Variants in NDOR1 observed in about 807,000 individuals in gnomAD.
The protein encoded by NDOR1 is NADPH-dependent diflavin oxidoreductase 1.
A neutral mutation model predicts 67.2 loss-of-function variants in NDOR1; 61 were observed. The observed-to-expected ratio is 0.91, with a 90% CI of 0.74 to 1.12. The LOEUF (loss-of-function observed/expected upper bound fraction) is 1.12. Ranked by LOEUF, NDOR1 falls within the 50% of genes most tolerant of loss-of-function variation. The pLI is 0.00. For missense variants in NDOR1, 878 were observed against 802.8 expected (o/e 1.09, Z -1.13); for synonymous variants, 378 against 343.7 (o/e 1.10, Z -1.10).
intron 2 of NDOR1, 43 bp downstream of exon 2, chr9:137,206,352 C>A (rs1436522309): frequency 1.3e-6 from 2 of 1,596,340 alleles, no homozygotes; most frequent in Non-Finnish European, 1.7e-6. Context: ...CTGCCCTCGA[C>A]CCTCACCCCG....
Position 137,212,718 on chromosome 9 carries a change from G to C in NDOR1, c.311+119G>C. The stretch of plus-strand genomic sequence containing the variant: ...GGCCCCTGCGCGCCTCAGGGCCCTC[G>C]CAGTGGTACTGGCTTCTCCACAACG... On this transcript the variant is annotated intron_variant, in intron 3 of 13. Coordinates refer to ENST00000684003, the MANE Select transcript of NDOR1 (RefSeq NM_014434.4). The surrounding 1 kb of genome is among the most constrained non-coding windows in gnomAD (Gnocchi z 4.3). The C allele has an allele frequency of 1.1e-6, 1 of 889,148 alleles. No individual in the cohort carries two copies. Among genetic ancestry groups the C allele is most frequent in the Non-Finnish European group, 1.8e-6 (1 of 547,408 alleles). The allele number at this position is 889,148 out of a possible 1,614,324, so 55.1% of individuals were successfully genotyped here. A position where few individuals can be genotyped will look rare whatever the true frequency, so the allele number is the denominator to read the frequency against.
intron 9 of NDOR1, 98 bp from the exon 10 acceptor site, chr9:137,215,309 C>G (rs950256587): frequency 9.1e-6 from 14 of 1,535,250 alleles, no homozygotes; most frequent in African/African-American, 1.4e-5. Flanking sequence ...GACGTTCCCC[C>G]AGTCGGACTG....
rs757987477 is a variant in NDOR1, at chr9:137,215,209, G to A, written c.1173+7G>A. ...CATCGCCTCCTCGCTGCTGGTGAGG[G>A]GCCTGGTGGTTGGAGCCCAGGACCG... On this transcript the variant is annotated splice_region_variant and intron_variant, in intron 9 of 13. Transcript: ENST00000684003. 6.2e-7 allele frequency: 1 copy of A among 1,608,522 alleles called. No individual in the cohort carries two copies.
chr9:137,208,343 C>T (rs1047381329), intron 2 of NDOR1, among the ~76,000 whole-genome samples: 2 of 151,656 alleles, frequency 1.3e-5, no homozygotes, highest in African/African-American at 2.4e-5. Flanking sequence ...CCCAGCTACT[C>T]GGGAGGCTGA....
At chr9:137,213,370 A>AC (rs1835355556) in intron 3 of NDOR1, among the ~76,000 whole-genome samples, 1 of 151,752 alleles carries the variant, frequency 6.6e-6, no homozygotes, top group Non-Finnish European at 1.5e-5. Flanking sequence ...AGAGAAACTG[A>AC]CCCCCGGGAA....
Position 137,212,574 on chromosome 9 carries a change from G to A in NDOR1, c.286G>A (p.Gly96Ser), listed in dbSNP as rs1835315055. 6.2e-7 allele frequency: 1 copy of A among 1,614,030 alleles called. No homozygotes were observed. Among genetic ancestry groups the A allele is most frequent in the Non-Finnish European group, 8.5e-7 (1 of 1,179,944 alleles). ...CTGTCAGATGGACTTTGCCGTCCTG[G>A]GCCTCGGGGACTCCTCATACGCCAA... Reference protein sequence around the residue: ...ALCQMDFAVLGLGDSSYAKFN... With the variant: ...ALCQMDFAVLSLGDSSYAKFN... The change falls in exon 3 of 14, where the codon GGC becomes AGC. Residue 96 changes from glycine to serine, a missense_variant. Physicochemically the swap from Gly to Ser is moderately conservative, Grantham distance 56. Coordinates refer to ENST00000684003, the MANE Select transcript of NDOR1 (RefSeq NM_014434.4). This position sits in a 1 kb window ranked among gnomAD's most constrained non-coding sequence, Gnocchi z 4.3.
chr9:137,206,807 A>G (rs1834991590), intron 2 of NDOR1, among the ~76,000 whole-genome samples: 1 of 152,200 alleles, frequency 6.6e-6, no homozygotes, highest in Admixed American at 6.5e-5. Flanking sequence ...AGGAGCACTG[A>G]TAAGGGGCAT....
At chr9:137,213,735 C>T in intron 3 of NDOR1, 45 bp from the exon 4 acceptor site, 1 of 1,586,104 alleles carries the variant, frequency 6.3e-7, no homozygotes, top group South Asian at 1.1e-5. Context: ...GGGCACCACT[C>T]TCCGCCCGGG....
Position 137,214,962 on chromosome 9 carries a change from C to T in NDOR1, c.1009C>T (p.Gln337Ter), listed in dbSNP as rs773966598. 3.1e-6 allele frequency: 5 copies of T among 1,613,642 alleles called. No individual in the cohort carries two copies. The highest frequency in any genetic ancestry group is 1.1e-5 in the South Asian group (1 of 91,090). The change falls in exon 8 of 14, where the codon CAA becomes TAA. Residue 337 changes from glutamine to a stop codon, truncating the protein, a stop_gained. Transcript: ENST00000684003. LOFTEE classifies it high-confidence loss of function. ...REKLLEFSSA[Q>*]GQEELFEYCN... ...GAAGCTGCTGGAGTTCAGTTCTGCC[C>T]AAGGCCAGGAGGAGCTCTTTGAATA...
chr9:137,207,223 G>A (rs1393702241), intron 2 of NDOR1, among the ~76,000 whole-genome samples: 3 of 151,850 alleles, frequency 2.0e-5, no homozygotes, highest in African/African-American at 2.4e-5. Context: ...AGATGCTACC[G>A]ATCTGAGCTG....
At position 137,212,419 on chromosome 9, in the gene NDOR1, C is replaced by G; in HGVS notation, c.214-83C>G. On this transcript the variant is annotated intron_variant, in intron 2 of 13. Transcript: ENST00000684003. This position sits in a 1 kb window ranked among gnomAD's most constrained non-coding sequence, Gnocchi z 4.3. Reference sequence around the variant, plus strand: ...CCCCCATCCTACCCACCTGCCTGTTCCCCTGAGACCCTCCCCTCACCCCCT... The same window carrying G: ...CCCCCATCCTACCCACCTGCCTGTTGCCCTGAGACCCTCCCCTCACCCCCT... The G allele has an allele frequency of 2.4e-6, 3 of 1,238,858 alleles. No individual in the cohort carries two copies. Among genetic ancestry groups the G allele is most frequent in the Non-Finnish European group, 2.4e-6 (2 of 842,802 alleles). 76.7% of individuals were successfully genotyped at this position (1,238,858 alleles called of 1,614,324 possible). A position where few individuals can be genotyped will look rare whatever the true frequency, so the allele number is the denominator to read the frequency against.
intron 2 of NDOR1, among the ~76,000 whole-genome samples, chr9:137,208,143 CAAAAAAAA>C (rs34327783): frequency 1.1e-4 from 6 of 57,104 alleles, no homozygotes; most frequent in Non-Finnish European, 2.1e-4. Flanking sequence ...TAGACTCTGT[CAAAAAAAA>C]AAAAAAAAAG....
chr9:137,214,247 A>G lies in NDOR1; in HGVS notation c.556A>G (p.Ser186Gly). 6.2e-7 allele frequency: 1 copy of G among 1,613,280 alleles called. No individual in the cohort carries two copies. Among genetic ancestry groups the G allele is most frequent in the Admixed American group, 1.7e-5 (1 of 60,014 alleles). Residue 186 changes from serine to glycine, a missense_variant, in exon 6 of 14, where the codon AGC (serine) becomes GGC (glycine). Transcript: ENST00000684003. ...CCTGCTGTTCCTCCAAGAGGCACCC[A>G]GCACGGGCTCTGAGGGGCAGCGGGT... ...FTLLFLQEAP[S>G]TGSEGQRVAH...
chr9:137,213,783 C>G lies in NDOR1; in HGVS notation c.315C>G (p.Phe105Leu). 6.2e-7 allele frequency: 1 copy of G among 1,612,632 alleles called. No individual in the cohort carries two copies. Among genetic ancestry groups the G allele is most frequent in the Non-Finnish European group, 8.5e-7 (1 of 1,179,604 alleles). The change falls in exon 4 of 14, where the codon TTC becomes TTG. Residue 105 changes from phenylalanine to leucine, a missense_variant. Physicochemically the swap from Phe to Leu is conservative, Grantham distance 22. Transcript: ENST00000684003. ...LGLGDSSYAK[F>L]NFVAKKLHRR... ...ACCAGCCTCACTGTCTCCACAGGTT[C>G]AACTTCGTGGCCAAGAAGCTGCACC...
chr9:137,216,359 C>T lies in NDOR1; in HGVS notation c.1737C>T (p.Ala579=), dbSNP rs768376803. The T allele has an allele frequency of 6.8e-6, 11 of 1,608,862 alleles. No homozygotes were observed. Among genetic ancestry groups the T allele is most frequent in the Non-Finnish European group, 9.3e-6 (11 of 1,179,954 alleles). The change falls in exon 14 of 14, where the codon GCC becomes GCT. Residue 579 remains alanine, a synonymous_variant. Coordinates refer to ENST00000684003, the MANE Select transcript of NDOR1 (RefSeq NM_014434.4). The part of the protein sequence containing the change: ...EEGGLCSPDA[A]AYLARLQQTR... ...GTGGACTCTGCAGCCCGGACGCAGC[C>T]GCGTATCTAGCCAGGCTCCAGCAGA... is the stretch of plus-strand genomic sequence containing the variant.
rs751918986 is a variant in NDOR1, at chr9:137,213,839, T to C, written c.371T>C (p.Leu124Pro). The change falls in exon 4 of 14, where the codon CTC (leucine) becomes CCC (proline). Residue 124 changes from leucine to proline, a missense_variant. Transcript: ENST00000684003. ...RRLLQLGGSA[L>P]LPVCLGDDQH... ...CTACTGCAGCTTGGGGGCAGCGCCCTCCTGCCCGTGTGCCTGGGCGATGAC... is the reference window on the plus strand; with the variant it reads ...CTACTGCAGCTTGGGGGCAGCGCCCCCCTGCCCGTGTGCCTGGGCGATGAC... 3 of 1,611,628 alleles carry C rather than the reference T, an allele frequency of 1.9e-6. No homozygotes were observed. The South Asian group carries it at 3.3e-5, about 18-fold the overall frequency.
In NDOR1 at chr9:137,219,054, C is replaced by G. The variant is rs967389599; in HGVS notation, c.*2638C>G. On this transcript the variant is annotated 3_prime_UTR_variant, in exon 14 of 14. Transcript: ENST00000684003. ...TCCTTGGAGAGGGCAGGGACTCCGC[C>G]CACCCTGTGTTCAGATAAGGGCCAG... is the stretch of plus-strand genomic sequence containing the variant. The G allele has an allele frequency of 6.3e-6, 1 of 159,716 alleles. No individual in the cohort carries two copies. Among genetic ancestry groups the G allele is most frequent in the East Asian group, 1.8e-4 (1 of 5,484 alleles). The allele number at this position is 159,716 out of a possible 1,614,324, so 9.9% of individuals were successfully genotyped here. A position where few individuals can be genotyped will look rare whatever the true frequency, so the allele number is the denominator to read the frequency against.
In NDOR1 at chr9:137,216,349, C is replaced by T. The variant is rs374144832; in HGVS notation, c.1727C>T (p.Pro576Leu). 8.1e-5 allele frequency: 130 copies of T among 1,609,792 alleles called. No homozygotes were observed. The highest frequency in any genetic ancestry group is 5.2e-4 in the South Asian group (47 of 91,088). The change falls in exon 14 of 14, where the codon CCG becomes CTG. Residue 576 changes from proline to leucine, a missense_variant. Physicochemically the swap from Pro to Leu is moderately conservative, Grantham distance 98. Coordinates refer to ENST00000684003, the MANE Select transcript of NDOR1 (RefSeq NM_014434.4). ...IFQEEGGLCS[P>L]DAAAYLARLQ... ...CAGGAGGAGGGTGGACTCTGCAGCCCGGACGCAGCCGCGTATCTAGCCAGG... is the reference window on the plus strand; with the variant it reads ...CAGGAGGAGGGTGGACTCTGCAGCCTGGACGCAGCCGCGTATCTAGCCAGG...
rs1564395803 is a variant in NDOR1, at chr9:137,212,481, C to CA, written c.214-20dup. 1 of 1,610,334 alleles carries CA rather than the reference C, an allele frequency of 6.2e-7. No homozygotes were observed. Among genetic ancestry groups the CA allele is most frequent in the East Asian group, 2.2e-5 (1 of 44,864 alleles). ...AGCCTAGAGGTCGAGGACTCTGACT[C>CA]AGAGTTTCCTCCGGCTGTAGAACTT... On this transcript the variant is annotated intron_variant, in intron 2 of 13. Coordinates refer to ENST00000684003, the MANE Select transcript of NDOR1 (RefSeq NM_014434.4). The surrounding 1 kb of genome is among the most constrained non-coding windows in gnomAD (Gnocchi z 4.3).
Sources: gnomAD v4.1 joint callset for allele counts (sites outside exome capture counted in the v4.1 genomes callset) on GRCh38, gnomAD v4.1.1 for gene constraint, Gnocchi (gnomAD v3.1) non-coding constraint, MANE v1.5 for transcripts, NCBI Gene and HGNC (gene_info 2026-07-23, HGNC 2026-07-21) for gene names.